Variants in SEMA3C observed in about 807,000 individuals in gnomAD.
SEMA3C encodes the protein semaphorin-3C.
SEMA3C carries 47 observed loss-of-function variants against 89.4 expected under a neutral mutation model. The observed-to-expected ratio is 0.53, with a 90% CI of 0.42 to 0.67. The LOEUF (loss-of-function observed/expected upper bound fraction) is 0.67, where lower values mean the gene tolerates loss of function less well. SEMA3C is among the 30% of genes least tolerant of loss of function. SEMA3C has a pLI of 0.00. For missense variants in SEMA3C, 839 were observed against 929.1 expected, an observed-to-expected ratio of 0.90 and a Z score of 1.26; for synonymous variants, 310 against 320.2, an observed-to-expected ratio of 0.97 and a Z score of 0.34.
intron 12 of SEMA3C, among the ~76,000 whole-genome samples, chr7:80,770,972 A>C (rs1310597288): frequency 6.6e-6 from 1 of 152,214 alleles, no homozygotes; most frequent in Non-Finnish European, 1.5e-5. Context: ...TCCTGACCAC[A>C]TCATCTTAGC....
rs1351772730 is a variant in SEMA3C, at chr7:80,789,750, TTC to T, written c.1132-224_1132-223del. ...AATCAGGCTAAGTCATTGTATGTTA[TTC>T]TGTTTTCAGAGAAGAGCTGATGCCA... On this transcript the variant is annotated intron_variant, in intron 11 of 17. Coordinates refer to ENST00000265361, the MANE Select transcript of SEMA3C (RefSeq NM_006379.5). 5.3e-5 allele frequency among the ~76,000 whole-genome samples: 8 copies of T among 152,196 alleles called. No homozygotes were observed. In the East Asian group the frequency reaches 9.6e-4, roughly 18 times the overall value.
chr7:80,901,606 A>C (rs571959475), intron 2 of SEMA3C, among the ~76,000 whole-genome samples: 109 of 152,380 alleles, frequency 7.2e-4, no homozygotes, highest in African/African-American at 2.5e-3. Context: ...ATTAAAGATC[A>C]ATCAGTAAAG....
rs894890366 is a variant in SEMA3C, at chr7:80,853,705, C to T, written c.104-24960G>A. On this transcript the variant is annotated intron_variant, in intron 2 of 17. Coordinates refer to ENST00000265361, the MANE Select transcript of SEMA3C (RefSeq NM_006379.5). ...GTTAGAATAAATAGGATGGAGTATT[C>T]GATAGCACAACAGGCTAACTACAGT... is the stretch of plus-strand genomic sequence containing the variant. Among the ~76,000 whole-genome samples the T allele has an allele frequency of 5.3e-5, 8 of 151,944 alleles. No individual in the cohort carries two copies. In the South Asian group the frequency reaches 1.2e-3, roughly 24 times the overall value.
chr7:80,869,741 C>T (rs2116039930), intron 2 of SEMA3C, among the ~76,000 whole-genome samples: 1 of 152,210 alleles, frequency 6.6e-6, no homozygotes. Context: ...ATTTGTTTAA[C>T]AGCATTTTTC....
At chr7:80,799,349 GACCCATT>G (rs1450193442) in intron 10 of SEMA3C, among the ~76,000 whole-genome samples, 6 of 151,932 alleles carry the variant, frequency 3.9e-5, no homozygotes, top group Non-Finnish European at 8.8e-5. Flanking sequence ...TAATCAAAGG[GACCCATT>G]ATCTTCCACA....
chr7:80,870,008 T>G (rs1038172777), intron 2 of SEMA3C, among the ~76,000 whole-genome samples: 4 of 152,218 alleles, frequency 2.6e-5, no homozygotes, highest in Non-Finnish European at 4.4e-5. Flanking sequence ...TGCTCAAAAA[T>G]GTTCAGTCTC....
rs192783061 is a variant in SEMA3C at position 80,864,834 on chromosome 7, G to C, written c.104-36089C>G. ...ACTCCAACTTTGCATATGTTGACCA[G>C]AACTTACTAATTCAACTTCAGATCA... On this transcript the variant is annotated intron_variant, in intron 2 of 17. Coordinates refer to ENST00000265361, the MANE Select transcript of SEMA3C (RefSeq NM_006379.5). 3.0e-3 allele frequency among the ~76,000 whole-genome samples: 461 copies of C among 152,234 alleles called. 2 individuals carry two copies. Among genetic ancestry groups the C allele is most frequent in the African/African-American group, 0.011 (446 of 41,534 alleles).
intron 11 of SEMA3C, among the ~76,000 whole-genome samples, chr7:80,795,750 G>A (rs1054348841): frequency 6.6e-6 from 1 of 152,160 alleles, no homozygotes; most frequent in African/African-American, 2.4e-5. Flanking sequence ...AAGTTGTCAC[G>A]TGGGTGAAGA....
chr7:80,819,633 A>G (rs17154503), intron 4 of SEMA3C, among the ~76,000 whole-genome samples: 2,131 of 152,308 alleles, frequency 0.014, 65 homozygotes, highest in Admixed American at 0.068. Context: ...ATCTCCTAAA[A>G]TACTCCTTTC....
At chr7:80,841,781 A>T (rs1159835292) in intron 2 of SEMA3C, among the ~76,000 whole-genome samples, 1 of 152,194 alleles carries the variant, frequency 6.6e-6, no homozygotes, top group Admixed American at 6.5e-5. Context: ...ATATACCATA[A>T]AACCTCAAAT....
At chr7:80,745,502 T>C (rs1787780472) in intron 17 of SEMA3C, among the ~76,000 whole-genome samples, 195 bp from the exon 18 acceptor site, 1 of 151,520 alleles carries the variant, frequency 6.6e-6, no homozygotes, top group African/African-American at 2.4e-5. Context: ...GGAGATCTTG[T>C]CACAGTCACA....
chr7:80,865,160 A>G (rs77548339), intron 2 of SEMA3C, among the ~76,000 whole-genome samples: 1,611 of 152,288 alleles, frequency 0.011, 26 homozygotes, highest in African/African-American at 0.037. Context: ...GTGGTCTTAA[A>G]AAGGTCACTT....
In SEMA3C at chr7:80,843,098, A is replaced by G. The variant is rs144808358; in HGVS notation, c.104-14353T>C. Among the ~76,000 whole-genome samples the G allele has an allele frequency of 4.1e-3, 630 of 152,278 alleles. 6 individuals carry two copies. Among genetic ancestry groups the G allele is most frequent in the African/African-American group, 0.015 (603 of 41,574 alleles). ...GAGAAGTTGGTTAATGGATACAAAC[A>G]TAGAGTTAGATAGAAGTAATAAGTT... On this transcript the variant is annotated intron_variant, in intron 2 of 17. Coordinates refer to ENST00000265361, the MANE Select transcript of SEMA3C (RefSeq NM_006379.5).
chr7:80,769,199 T>G (rs1233988492), intron 12 of SEMA3C, among the ~76,000 whole-genome samples: 1 of 152,240 alleles, frequency 6.6e-6, no homozygotes, highest in Non-Finnish European at 1.5e-5. Context: ...TTATCATTTC[T>G]TTGTGTTAGG....
chr7:80,818,218 C>A, intron 5 of SEMA3C, 81 bp downstream of exon 5: 2 of 1,326,212 alleles, frequency 1.5e-6, no homozygotes, highest in South Asian at 1.6e-5. Flanking sequence ...ATTGATATGT[C>A]CAAGTTTTTA....
At chr7:80,865,032 G>C (rs1183282765) in intron 2 of SEMA3C, among the ~76,000 whole-genome samples, 1 of 152,048 alleles carries the variant, frequency 6.6e-6, no homozygotes, top group Non-Finnish European at 1.5e-5. Flanking sequence ...CACTTGAAAT[G>C]ATTTCTTAAA....
intron 2 of SEMA3C, among the ~76,000 whole-genome samples, chr7:80,858,213 T>C (rs1314144978): frequency 6.6e-6 from 1 of 152,118 alleles, no homozygotes. Flanking sequence ...CAAAAACAGG[T>C]ACTCTAAACT....
chr7:80,892,731 T>C (rs1002809640), intron 2 of SEMA3C, among the ~76,000 whole-genome samples: 1 of 152,184 alleles, frequency 6.6e-6, no homozygotes, highest in Non-Finnish European at 1.5e-5. Context: ...GGCGTAAGTA[T>C]TTTGCTCTTT....
intron 7 of SEMA3C, among the ~76,000 whole-genome samples, chr7:80,805,377 T>C (rs977572963): frequency 6.6e-5 from 10 of 152,090 alleles, no homozygotes; most frequent in Non-Finnish European, 1.5e-4. Context: ...GAAATATAAA[T>C]TATCACTGTC....
Sources: allele counts gnomAD v4.1 joint callset (sites outside exome capture counted in the v4.1 genomes callset), GRCh38; gene constraint gnomAD v4.1.1; transcripts MANE v1.5; gene names NCBI Gene and HGNC (gene_info 2026-07-23, HGNC 2026-07-21).